PLCL1: variants seen among roughly 807,000 people sequenced by gnomAD.
The protein encoded by PLCL1 is phospholipase C like 1 (inactive).
A neutral mutation model predicts 84.4 loss-of-function variants in PLCL1; 41 were observed. That is an observed-to-expected ratio of 0.49 (90% CI 0.38 to 0.63). The LOEUF is 0.63. PLCL1 is among the 30% of genes least tolerant of loss of function. The pLI, the probability that PLCL1 is intolerant of heterozygous loss-of-function variation, is 0.00. For missense variants in PLCL1, 1,206 were observed against 1,367.8 expected, an observed-to-expected ratio of 0.88 and a Z score of 1.87; for synonymous variants, 490 against 488.3, an observed-to-expected ratio of 1.00 and a Z score of -0.05.
intron 1 of PLCL1, among the ~76,000 whole-genome samples, chr2:197,880,937 C>G (rs1687816596): frequency 6.6e-6 from 1 of 152,072 alleles, no homozygotes; most frequent in South Asian, 2.1e-4. Flanking sequence ...AAAATTATGC[C>G]CATCTGAAAA....
intron 1 of PLCL1, among the ~76,000 whole-genome samples, chr2:197,935,255 T>A (rs1689027015): frequency 6.6e-6 from 1 of 152,112 alleles, no homozygotes. Context: ...AAAACAGAAT[T>A]ACCATTCTGT....
At chr2:197,936,177 C>G (rs1689050217) in intron 1 of PLCL1, among the ~76,000 whole-genome samples, 1 of 145,734 alleles carries the variant, frequency 6.9e-6, no homozygotes. Context: ...TTGATGGACA[C>G]TTAGGTTGAT....
At chr2:197,864,863 T>C (rs944478874) in intron 1 of PLCL1, among the ~76,000 whole-genome samples, 50 of 152,206 alleles carry the variant, frequency 3.3e-4, no homozygotes, top group African/African-American at 1.1e-3. Context: ...ACAGAAGCGG[T>C]TAAGAACTTC....
chr2:197,857,310 A>G (rs17732991), intron 1 of PLCL1, among the ~76,000 whole-genome samples: 26,440 of 152,044 alleles, frequency 0.17, 3,125 homozygotes, highest in Middle Eastern at 0.33. Flanking sequence ...GCTGCCTGGC[A>G]TGCTTTTAAA....
At chr2:197,837,185 T>A (rs1271312657) in intron 1 of PLCL1, among the ~76,000 whole-genome samples, 1 of 151,972 alleles carries the variant, frequency 6.6e-6, no homozygotes, top group Non-Finnish European at 1.5e-5. Context: ...TAATGACGAG[T>A]TAGGCTTTGA....
intron 1 of PLCL1, among the ~76,000 whole-genome samples, chr2:198,003,181 GTT>G (rs1690646217): frequency 6.6e-6 from 1 of 151,926 alleles, no homozygotes. Context: ...AATAATGTGA[GTT>G]TTTAAATAAT....
chr2:197,864,862 G>C (rs911623863), intron 1 of PLCL1, among the ~76,000 whole-genome samples: 50 of 152,154 alleles, frequency 3.3e-4, no homozygotes, highest in African/African-American at 1.1e-3. Flanking sequence ...TACAGAAGCG[G>C]TTAAGAACTT....
intron 1 of PLCL1, among the ~76,000 whole-genome samples, chr2:197,910,335 T>C (rs548396626): frequency 2.0e-5 from 3 of 152,320 alleles, no homozygotes; most frequent in African/African-American, 7.2e-5. Flanking sequence ...CTCAGAGGAC[T>C]GTTTTAAGAT....
chr2:197,922,766 C>T (rs111746708), intron 1 of PLCL1, among the ~76,000 whole-genome samples: 14 of 108,612 alleles, frequency 1.3e-4, no homozygotes, highest in African/African-American at 3.6e-4. Flanking sequence ...GGTGGCTGGC[C>T]GGGCAGGGGG....
intron 5 of PLCL1, among the ~76,000 whole-genome samples, chr2:198,141,822 G>A (rs556157563): frequency 6.6e-6 from 1 of 152,314 alleles, no homozygotes; most frequent in African/African-American, 2.4e-5. Context: ...GCTGATGAGT[G>A]TGGGCTCAAA....
chr2:198,053,022 A>G (rs1410579530), intron 1 of PLCL1, among the ~76,000 whole-genome samples: 1 of 152,212 alleles, frequency 6.6e-6, no homozygotes, highest in African/African-American at 2.4e-5. Context: ...GACTTGGGAA[A>G]AAGTGGGATT....
chr2:197,901,653 G>A (rs1323775034), intron 1 of PLCL1, among the ~76,000 whole-genome samples: 6 of 152,196 alleles, frequency 3.9e-5, no homozygotes, highest in South Asian at 2.1e-4. Context: ...AGCAGAGACC[G>A]AGAGGATAAA....
intron 5 of PLCL1, among the ~76,000 whole-genome samples, chr2:198,106,726 T>C (rs1248849326): frequency 2.0e-5 from 3 of 151,916 alleles, no homozygotes; most frequent in Admixed American, 6.6e-5. Context: ...TATTTTGTGA[T>C]CAGCACTCAA....
rs142108318 is a variant in PLCL1, at chr2:197,976,682, C to T, written c.241-107076C>T. On this transcript the variant is annotated intron_variant, in intron 1 of 5. Coordinates refer to ENST00000428675, the MANE Select transcript of PLCL1 (RefSeq NM_006226.4). ...TGGGCTAGTCTCGAACTCCTGACCT[C>T]GTGATCCACCCACCTTGGCCTCCCA... Among the ~76,000 whole-genome samples, 781 of 152,254 alleles carry T rather than the reference C, an allele frequency of 5.1e-3. 7 individuals carry two copies. Among genetic ancestry groups the T allele is most frequent in the African/African-American group, 0.017 (712 of 41,546 alleles).
rs553597671 is a variant in PLCL1, at chr2:198,030,429, A to C, written c.241-53329A>C. 1.0e-3 allele frequency among the ~76,000 whole-genome samples: 155 copies of C among 152,262 alleles called. 1 individual carries two copies. The highest frequency in any genetic ancestry group is 1.9e-3 in the Non-Finnish European group (130 of 68,036). On this transcript the variant is annotated intron_variant, in intron 1 of 5. Coordinates refer to ENST00000428675, the MANE Select transcript of PLCL1 (RefSeq NM_006226.4). Reference sequence around the variant, plus strand: ...GATTCCAGAATAACTAATAAATAAAAGTTTTTCCACAGTTGGGGAAAGGAA... The same window carrying C: ...GATTCCAGAATAACTAATAAATAAACGTTTTTCCACAGTTGGGGAAAGGAA...
At chr2:198,067,267 A>G (rs62277906) in intron 1 of PLCL1, among the ~76,000 whole-genome samples, 1,704 of 151,874 alleles carry the variant, frequency 0.011, 21 homozygotes, top group Middle Eastern at 0.028. Context: ...AGCTGGGATT[A>G]TAAGTGTGCA....
intron 1 of PLCL1, among the ~76,000 whole-genome samples, chr2:197,985,013 G>A (rs1227383985): frequency 1.3e-5 from 2 of 151,532 alleles, no homozygotes; most frequent in African/African-American, 4.9e-5. Flanking sequence ...CGATCATTAT[G>A]TACATTTTTT....
At chr2:197,825,468 C>T (rs1210725212) in intron 1 of PLCL1, among the ~76,000 whole-genome samples, 1 of 152,158 alleles carries the variant, frequency 6.6e-6, no homozygotes, top group African/African-American at 2.4e-5. Context: ...TACAGTGTCT[C>T]CTACCAATTC....
At chr2:198,052,343 G>A (rs1048753026) in intron 1 of PLCL1, among the ~76,000 whole-genome samples, 1 of 152,154 alleles carries the variant, frequency 6.6e-6, no homozygotes, top group African/African-American at 2.4e-5. Flanking sequence ...GAGCCATGGC[G>A]CCCAGCCCAA....
Sources: gnomAD v4.1 joint callset for allele counts (sites outside exome capture counted in the v4.1 genomes callset) on GRCh38, gnomAD v4.1.1 for gene constraint, MANE v1.5 for transcripts, NCBI Gene and HGNC (gene_info 2026-07-23, HGNC 2026-07-21) for gene names.